UBE3C: variants seen among roughly 807,000 people sequenced by gnomAD.
UBE3C encodes the protein ubiquitin-protein ligase E3C.
A neutral mutation model predicts 129.4 loss-of-function variants in UBE3C; 42 were observed. That is an observed-to-expected ratio of 0.32 (90% CI 0.25 to 0.42). The LOEUF (loss-of-function observed/expected upper bound fraction) is 0.42. Ranked by LOEUF, UBE3C falls within the 10% of genes least tolerant of loss-of-function variation. UBE3C has a pLI of 1.00. For synonymous variants in UBE3C, 510 were observed against 492.4 expected (o/e 1.04, Z -0.47); for missense variants, 1,049 against 1,319.1 (o/e 0.80, Z 3.17).
chr7:157,241,537 G>A (rs1306767740), intron 18 of UBE3C, among the ~76,000 whole-genome samples: 1 of 152,226 alleles, frequency 6.6e-6, no homozygotes, highest in South Asian at 2.1e-4. Context: ...CCGCGAGTAC[G>A]GCGGGAATCA....
chr7:157,173,064 A>G (rs931078014), intron 4 of UBE3C, among the ~76,000 whole-genome samples: 13 of 152,362 alleles, frequency 8.5e-5, no homozygotes, highest in African/African-American at 3.1e-4. Context: ...TCATAAGACC[A>G]GTCCAGGAAA....
chr7:157,189,966 A>C (rs971390402), intron 10 of UBE3C, among the ~76,000 whole-genome samples: 1 of 152,018 alleles, frequency 6.6e-6, no homozygotes, highest in East Asian at 1.9e-4. Context: ...ATGCCCAGCT[A>C]ATTTTTGTAT....
In UBE3C at chr7:157,182,208, G is replaced by A. The variant is rs749007844; in HGVS notation, c.871G>A (p.Val291Ile). The stretch of plus-strand genomic sequence containing the variant: ...TCCGGCGCTTGCAGATGCGCAGACC[G>A]TTTTCCCTTACGAGCCCTTTCTGAA... ...IIPALADAQTVFPYEPFLNAL... is the reference protein window; with the variant it reads ...IIPALADAQTIFPYEPFLNAL... Residue 291 changes from valine to isoleucine, a missense_variant, in exon 8 of 23, where the codon GTT becomes ATT. Around this residue, in one of 4 missense-constraint regions of UBE3C, gnomAD observed 489 missense variants for 513.8 expected, o/e 0.95. Transcript: ENST00000348165. 5.3e-5 allele frequency: 86 copies of A among 1,613,996 alleles called. No individual in the cohort carries two copies. Among genetic ancestry groups the A allele is most frequent in the Middle Eastern group, 3.3e-4 (2 of 6,084 alleles).
At chr7:157,239,472 G>C (rs530087808) in intron 18 of UBE3C, among the ~76,000 whole-genome samples, 1 of 152,198 alleles carries the variant, frequency 6.6e-6, no homozygotes, top group Non-Finnish European at 1.5e-5. Context: ...GGCTTCCAAG[G>C]TGCTAGGCAT....
At chr7:157,157,492 C>T (rs1402658948) in intron 1 of UBE3C, among the ~76,000 whole-genome samples, 1 of 152,046 alleles carries the variant, frequency 6.6e-6, no homozygotes, top group African/African-American at 2.4e-5. Flanking sequence ...GGACAGCAGT[C>T]ACTTTTCATA....
At chr7:157,163,131 A>T (rs1464261538) in intron 1 of UBE3C, among the ~76,000 whole-genome samples, 2 of 151,974 alleles carry the variant, frequency 1.3e-5, no homozygotes, top group African/African-American at 4.8e-5. Context: ...CACGCCTGTA[A>T]TCCCAGCACT....
intron 1 of UBE3C, among the ~76,000 whole-genome samples, chr7:157,143,276 T>C (rs550777127): frequency 1.3e-5 from 2 of 152,234 alleles, no homozygotes; most frequent in African/African-American, 4.8e-5. Context: ...TTCTTGGTAG[T>C]GTATAGAAGA....
intron 10 of UBE3C, among the ~76,000 whole-genome samples, chr7:157,200,536 C>T (rs1203978505): frequency 6.6e-6 from 1 of 152,182 alleles, no homozygotes; most frequent in Non-Finnish European, 1.5e-5. Context: ...CTGTCACAAA[C>T]ATGCAGTATA....
At chr7:157,165,678 C>T (rs1223310761) in intron 2 of UBE3C, among the ~76,000 whole-genome samples, 1 of 152,304 alleles carries the variant, frequency 6.6e-6, no homozygotes, top group Admixed American at 6.5e-5. Context: ...GGATTACAGG[C>T]GTGAGCCACC....
chr7:157,184,421 T>C (rs1808753569), intron 9 of UBE3C, among the ~76,000 whole-genome samples: 1 of 152,208 alleles, frequency 6.6e-6, no homozygotes, highest in Non-Finnish European at 1.5e-5. Flanking sequence ...AGGATAAATG[T>C]TATTTACTTA....
Position 157,254,263 on chromosome 7 carries a change from A to G in UBE3C, c.2903A>G (p.Gln968Arg), listed in dbSNP as rs1796688973. ...CCTTAGGTATTAATTTCTGGTGCACAAGTTCCCATAAGCCTAGAGGACCTA... is the reference window on the plus strand; with the variant it reads ...CCTTAGGTATTAATTTCTGGTGCACGAGTTCCCATAAGCCTAGAGGACCTA... ...QEIQVLISGA[Q>R]VPISLEDLKS... Residue 968 changes from glutamine to arginine, a missense_variant, in exon 21 of 23, where the codon CAA (glutamine) becomes CGA (arginine). Gln to Arg is a conservative substitution (Grantham distance 43). Around this residue, in one of 4 missense-constraint regions of UBE3C, gnomAD observed 243 missense variants for 368.7 expected, o/e 0.66. Transcript: ENST00000348165. The G allele has an allele frequency of 1.9e-6, 3 of 1,613,566 alleles. No individual in the cohort carries two copies. Among genetic ancestry groups the G allele is most frequent in the South Asian group, 1.1e-5 (1 of 90,928 alleles).
chr7:157,172,065 C>G (rs999256639), intron 4 of UBE3C, among the ~76,000 whole-genome samples: 1 of 149,532 alleles, frequency 6.7e-6, no homozygotes, highest in Admixed American at 6.7e-5. Context: ...GTCTTGCTCA[C>G]TCTGTCGCCC....
At chr7:157,145,041 GA>G (rs1398616962) in intron 1 of UBE3C, among the ~76,000 whole-genome samples, 1 of 152,126 alleles carries the variant, frequency 6.6e-6, no homozygotes, top group Non-Finnish European at 1.5e-5. Context: ...AGCACTTTAG[GA>G]GGCCGAGGTA....
chr7:157,236,768 G>C (rs1796162845), intron 18 of UBE3C, among the ~76,000 whole-genome samples: 1 of 151,462 alleles, frequency 6.6e-6, no homozygotes, highest in Admixed American at 6.6e-5. Context: ...GTCTCACTCT[G>C]TTGCCCAGGC....
chr7:157,187,732 T>A (rs1466582433), intron 10 of UBE3C, among the ~76,000 whole-genome samples: 1 of 151,538 alleles, frequency 6.6e-6, no homozygotes, highest in Non-Finnish European at 1.5e-5. Context: ...GCCCGCCACC[T>A]CGCCCGGCTA....
At chr7:157,263,248 CTAACGCCACCTTCCCAGGCACCTGTCG>C (rs932986502) in intron 22 of UBE3C, 4 of 119,578 alleles carry the variant, frequency 3.3e-5, no homozygotes, top group South Asian at 2.3e-4. Context: ...GGCACCTGTC[CTAACGCCACCTTCCCAGGCACCTGTCG>C]TAACGCCACC....
At position 157,139,306 on chromosome 7, in the gene UBE3C, C is replaced by A; in HGVS notation, c.34C>A (p.Pro12Thr). ...FSFEGDFKTRPKVSLGGASRK... is the reference protein window; with the variant it reads ...FSFEGDFKTRTKVSLGGASRK... ...CTTCGAAGGCGACTTCAAGACGCGG[C>A]CCAAGGTGTCCCTTGGCGGCGCGAG... Residue 12 changes from proline to threonine, a missense_variant, in exon 1 of 23, where the codon CCC becomes ACC. Coordinates refer to ENST00000348165, the MANE Select transcript of UBE3C (RefSeq NM_014671.3). The A allele has an allele frequency of 1.3e-6, 2 of 1,583,864 alleles. No homozygotes were observed. The highest frequency in any genetic ancestry group is 8.5e-7 in the Non-Finnish European group (1 of 1,172,370).
chr7:157,141,050 C>T (rs1450849940), intron 1 of UBE3C, among the ~76,000 whole-genome samples: 1 of 152,106 alleles, frequency 6.6e-6, no homozygotes, highest in Admixed American at 6.5e-5. Flanking sequence ...GCCCTAATTG[C>T]GGCAGAGGGG....
chr7:157,169,806 G>C lies in UBE3C; in HGVS notation c.196-498G>C, dbSNP rs183174666. Among the ~76,000 whole-genome samples the C allele has an allele frequency of 4.3e-4, 65 of 152,274 alleles. 1 individual carries two copies. In the East Asian group the frequency reaches 0.01, roughly 23 times the overall value. Reference sequence around the variant, plus strand: ...AGCTATTCTCCTGCCCCAGCCTCCTGAGTAGCTGGGACTACAGGTGCATAC... The same window carrying C: ...AGCTATTCTCCTGCCCCAGCCTCCTCAGTAGCTGGGACTACAGGTGCATAC... On this transcript the variant is annotated intron_variant, in intron 3 of 22. Transcript: ENST00000348165.
Sources: allele counts gnomAD v4.1 joint callset (sites outside exome capture counted in the v4.1 genomes callset), GRCh38; gene constraint gnomAD v4.1.1; regional missense constraint gnomAD v4.1.1; transcripts MANE v1.5; gene names NCBI Gene and HGNC (gene_info 2026-07-23, HGNC 2026-07-21).